NET1: variants seen among roughly 807,000 people sequenced by gnomAD.
NET1 encodes neuroepithelial cell-transforming gene 1 protein.
Under a neutral mutation model 61.1 loss-of-function variants are expected in NET1, and 42 were observed. The observed-to-expected ratio is 0.69, with a 90% CI of 0.54 to 0.89. The LOEUF (loss-of-function observed/expected upper bound fraction) is 0.89. Ranked by LOEUF, NET1 falls within the 40% of genes least tolerant of loss-of-function variation. The pLI is 0.00. For missense variants in NET1, 654 were observed against 747.3 expected (o/e 0.88, Z 1.46); for synonymous variants, 254 against 281.8 (o/e 0.90, Z 0.99).
rs1223420732 is a variant in NET1 at position 5,417,014 on chromosome 10, T to C, written c.128+4194T>C. Among the ~76,000 whole-genome samples the C allele has an allele frequency of 6.6e-6, 1 of 152,188 alleles. No homozygotes were observed. The highest frequency in any genetic ancestry group is 2.4e-5 in the African/African-American group (1 of 41,442). On this transcript the variant is annotated intron_variant, in intron 1 of 11. Coordinates refer to ENST00000355029, the MANE Select transcript of NET1 (RefSeq NM_001047160.3). The surrounding 1 kb of genome is among the most constrained non-coding windows in gnomAD (Gnocchi z 5.5). Reference sequence around the variant, plus strand: ...GATGACACGTTGGCTTGGATAATGATTGCAAGCTTTTATAGAGTGGAAGTA... The same window carrying C: ...GATGACACGTTGGCTTGGATAATGACTGCAAGCTTTTATAGAGTGGAAGTA...
In NET1 at chr10:5,446,390, A is replaced by G. The variant is rs1832608220; in HGVS notation, c.256-5440A>G. Among the ~76,000 whole-genome samples the G allele has an allele frequency of 6.6e-6, 1 of 152,184 alleles. No individual in the cohort carries two copies. Among genetic ancestry groups the G allele is most frequent in the Non-Finnish European group, 1.5e-5 (1 of 68,022 alleles). ...AAGCACCAGAGTAGATAACGTAACA[A>G]TTTGTTTTACTTCGGGAATGCATTT... On this transcript the variant is annotated intron_variant, in intron 3 of 11. Transcript: ENST00000355029. The surrounding 1 kb of genome is among the most constrained non-coding windows in gnomAD (Gnocchi z 5.0).
intron 3 of NET1, among the ~76,000 whole-genome samples, chr10:5,430,172 A>G (rs1417826677): frequency 1.3e-5 from 2 of 152,194 alleles, no homozygotes; most frequent in Admixed American, 6.5e-5. Context: ...AAAGTATGAA[A>G]TGACAACCTT....
chr10:5,429,084 G>C, intron 2 of NET1, 86 bp from the exon 3 acceptor site: 1 of 997,742 alleles, frequency 1.0e-6, no homozygotes, highest in Non-Finnish European at 1.5e-6. Flanking sequence ...TTTTTAAATT[G>C]ATTTTTCTAG....
At position 5,446,629 on chromosome 10, in the gene NET1, G is replaced by A. The variant is rs1832614858; in HGVS notation, c.256-5201G>A. On this transcript the variant is annotated intron_variant, in intron 3 of 11. Transcript: ENST00000355029. The surrounding 1 kb of genome is among the most constrained non-coding windows in gnomAD (Gnocchi z 5.0). The stretch of plus-strand genomic sequence containing the variant: ...CTCTCAGAAGCCTCTGCTCCACCGC[G>A]GCGAGAGGCATGGGCACGTGGCTGC... The A allele has an allele frequency of 7.9e-7, 1 of 1,272,192 alleles. No homozygotes were observed. The highest frequency in any genetic ancestry group is 9.9e-7 in the Non-Finnish European group (1 of 1,005,410). 78.8% of individuals were successfully genotyped at this position (1,272,192 alleles called of 1,614,324 possible). A position where few individuals can be genotyped will look rare whatever the true frequency, so the allele number is the denominator to read the frequency against.
Position 5,452,260 on chromosome 10 carries a change from G to A in NET1, c.364-98G>A. The A allele has an allele frequency of 1.8e-6, 2 of 1,112,442 alleles. No individual in the cohort carries two copies. Among genetic ancestry groups the A allele is most frequent in the Non-Finnish European group, 2.4e-6 (2 of 826,258 alleles). 68.9% of individuals were successfully genotyped at this position (1,112,442 alleles called of 1,614,324 possible). A position where few individuals can be genotyped will look rare whatever the true frequency, so the allele number is the denominator to read the frequency against. On this transcript the variant is annotated intron_variant, in intron 4 of 11. Coordinates refer to ENST00000355029, the MANE Select transcript of NET1 (RefSeq NM_001047160.3). The surrounding 1 kb of genome is among the most constrained non-coding windows in gnomAD (Gnocchi z 4.0). ...TGTTTTCTGCATTGAGAAATTCTCA[G>A]AACTTTGTCTTTCTTCACTTTAAAA... is the stretch of plus-strand genomic sequence containing the variant.
At chr10:5,450,644 C>T (rs1376578758) in intron 3 of NET1, among the ~76,000 whole-genome samples, 2 of 151,992 alleles carry the variant, frequency 1.3e-5, no homozygotes, top group Non-Finnish European at 2.9e-5. Flanking sequence ...TATATATCCT[C>T]CTGGATTCTC....
intron 3 of NET1, among the ~76,000 whole-genome samples, chr10:5,436,214 G>A (rs1184058653): frequency 0.038 from 1,537 of 40,642 alleles, 76 homozygotes; most frequent in Non-Finnish European, 0.049. Context: ...GTGTGTGTGT[G>A]TGTGTGTGTG....
In NET1 at chr10:5,451,431, C is replaced by T. The variant is rs772550817; in HGVS notation, c.256-399C>T. 6.6e-6 allele frequency among the ~76,000 whole-genome samples: 1 copy of T among 151,556 alleles called. No individual in the cohort carries two copies. Among genetic ancestry groups the T allele is most frequent in the Non-Finnish European group, 1.5e-5 (1 of 67,988 alleles). ...TATACCAGACACTGTGGAGGCCCCT[C>T]GATAGACACATGGGATCCATTATGC... On this transcript the variant is annotated intron_variant, in intron 3 of 11. Transcript: ENST00000355029. The surrounding 1 kb of genome is among the most constrained non-coding windows in gnomAD (Gnocchi z 6.1).
In NET1 at chr10:5,421,372, T is replaced by G. The variant is rs1167252623; in HGVS notation, c.129-5283T>G. Among the ~76,000 whole-genome samples the G allele has an allele frequency of 6.6e-6, 1 of 152,240 alleles. No individual in the cohort carries two copies. The highest frequency in any genetic ancestry group is 1.5e-5 in the Non-Finnish European group (1 of 68,038). ...TTTATATTTTCCTTTTTTGCAGATTTGAAATAATGCTGTCCATTGGTAGAA... is the reference window on the plus strand; with the variant it reads ...TTTATATTTTCCTTTTTTGCAGATTGGAAATAATGCTGTCCATTGGTAGAA... On this transcript the variant is annotated intron_variant, in intron 1 of 11. Coordinates refer to ENST00000355029, the MANE Select transcript of NET1 (RefSeq NM_001047160.3). The surrounding 1 kb of genome is among the most constrained non-coding windows in gnomAD (Gnocchi z 4.2).
chr10:5,456,749 C>A lies in NET1; in HGVS notation c.1546C>A (p.Pro516Thr). Reference protein sequence around the residue: ...AGSPPELQGLPELHEECEGNH... With the variant: ...AGSPPELQGLTELHEECEGNH... ...CAGTCCACCTGAGCTGCAGGGCCTG[C>A]CGGAGCTGCACGAAGAGTGTGAGGG... is the stretch of plus-strand genomic sequence containing the variant. Residue 516 changes from proline (P) to threonine (T), a missense_variant, in exon 12 of 12, where the codon CCG (proline) becomes ACG (threonine). Pro to Thr is a conservative substitution (Grantham distance 38, BLOSUM62 -1). Transcript: ENST00000355029. This position sits in a 1 kb window ranked among gnomAD's most constrained non-coding sequence, Gnocchi z 7.0. 1 of 1,613,952 alleles carries A rather than the reference C, an allele frequency of 6.2e-7. No homozygotes were observed. Among genetic ancestry groups the A allele is most frequent in the Non-Finnish European group, 8.5e-7 (1 of 1,179,928 alleles).
At chr10:5,433,033 T>G (rs982175167) in intron 3 of NET1, among the ~76,000 whole-genome samples, 2 of 152,208 alleles carry the variant, frequency 1.3e-5, no homozygotes, top group African/African-American at 4.8e-5. Context: ...TACTATTGCT[T>G]GACTTGTAGT....
At position 5,435,538 on chromosome 10, in the gene NET1, C is replaced by T. The variant is rs9423416; in HGVS notation, c.255+6309C>T. Among the ~76,000 whole-genome samples the T allele has an allele frequency of 0.31, 3,347 of 10,706 alleles. 130 individuals carry two copies. The highest frequency in any genetic ancestry group is 0.38 in the African/African-American group (2,799 of 7,386). 7.0% of individuals were successfully genotyped at this position (10,706 alleles called of 152,430 possible). A position where few individuals can be genotyped will look rare whatever the true frequency, so the allele number is the denominator to read the frequency against. On this transcript the variant is annotated intron_variant, in intron 3 of 11. Coordinates refer to ENST00000355029, the MANE Select transcript of NET1 (RefSeq NM_001047160.3). This position sits in a 1 kb window ranked among gnomAD's most constrained non-coding sequence, Gnocchi z 5.0. ...ATAGATAGATAGATAGATAGACAGA[C>T]AGACAGATAGATAGATAGATAGATA... is the stretch of plus-strand genomic sequence containing the variant.
rs1019686922 is a variant in NET1 at position 5,428,065 on chromosome 10, T to C, written c.196-1105T>C. ...TTTTTTTTTTTTTTTTTTTTTTTTT[T>C]TTCTTCTCTATTGGCCCTATCTTGT... On this transcript the variant is annotated intron_variant, in intron 2 of 11. Coordinates refer to ENST00000355029, the MANE Select transcript of NET1 (RefSeq NM_001047160.3). Among the ~76,000 whole-genome samples the C allele has an allele frequency of 2.7e-3, 197 of 73,630 alleles. 1 individual carries two copies. The highest frequency in any genetic ancestry group is 0.013 in the South Asian group (25 of 1,970). The allele number at this position is 73,630 out of a possible 152,430, so 48.3% of individuals were successfully genotyped here. A position where few individuals can be genotyped will look rare whatever the true frequency, so the allele number is the denominator to read the frequency against.
rs1398804620 is a variant in NET1, at chr10:5,444,473, A to G, written c.256-7357A>G. The stretch of plus-strand genomic sequence containing the variant: ...GCCCCTGTAATTTGCCTCTGTCTTT[A>G]CTCCACTGAAATAGCACACTTGAGA... On this transcript the variant is annotated intron_variant, in intron 3 of 11. Transcript: ENST00000355029. The surrounding 1 kb of genome is among the most constrained non-coding windows in gnomAD (Gnocchi z 5.3). 6.6e-6 allele frequency among the ~76,000 whole-genome samples: 1 copy of G among 152,158 alleles called. No individual in the cohort carries two copies. The highest frequency in any genetic ancestry group is 1.5e-5 in the Non-Finnish European group (1 of 68,026).
chr10:5,456,428 G>A lies in NET1; in HGVS notation c.1384+155G>A, dbSNP rs560308836. Reference sequence around the variant, plus strand: ...CCAGGCCTTCCCAGCTCGAACACCCGCAGGTGTATCTAAGAAATAATGCAT... The same window carrying A: ...CCAGGCCTTCCCAGCTCGAACACCCACAGGTGTATCTAAGAAATAATGCAT... On this transcript the variant is annotated intron_variant, in intron 11 of 11. Coordinates refer to ENST00000355029, the MANE Select transcript of NET1 (RefSeq NM_001047160.3). This position sits in a 1 kb window ranked among gnomAD's most constrained non-coding sequence, Gnocchi z 7.0. 1.6e-5 allele frequency: 16 copies of A among 1,002,932 alleles called. No homozygotes were observed. The highest frequency in any genetic ancestry group is 5.3e-5 in the South Asian group (3 of 56,392). The allele number at this position is 1,002,932 out of a possible 1,614,324, so 62.1% of individuals were successfully genotyped here.
chr10:5,420,706 C>A lies in NET1; in HGVS notation c.129-5949C>A, dbSNP rs1832159446. ...CGACTCCCTGGTTCAAGTGATCCTC[C>A]TTCCTCAGCCTCCCGAGTAACTGGG... On this transcript the variant is annotated intron_variant, in intron 1 of 11. Coordinates refer to ENST00000355029, the MANE Select transcript of NET1 (RefSeq NM_001047160.3). This position sits in a 1 kb window ranked among gnomAD's most constrained non-coding sequence, Gnocchi z 5.3. Among the ~76,000 whole-genome samples, 1 of 152,186 alleles carries A rather than the reference C, an allele frequency of 6.6e-6. No individual in the cohort carries two copies. The highest frequency in any genetic ancestry group is 1.5e-5 in the Non-Finnish European group (1 of 68,024).
chr10:5,450,967 ACT>A (rs1832693422), intron 3 of NET1, among the ~76,000 whole-genome samples: 1 of 152,240 alleles, frequency 6.6e-6, no homozygotes, highest in Admixed American at 6.5e-5. Flanking sequence ...TTAATAAATT[ACT>A]GTTTGAGAGA....
At position 5,455,138 on chromosome 10, in the gene NET1, G is replaced by A. The variant is rs762970253; in HGVS notation, c.1197+20G>A. ...GGACATGTAGGTGACTTTTGCTGCC[G>A]TGGCAGAGCAGCCTTCCCTCCTGCC... On this transcript the variant is annotated intron_variant, in intron 10 of 11. Transcript: ENST00000355029. This position sits in a 1 kb window ranked among gnomAD's most constrained non-coding sequence, Gnocchi z 6.5. 46 of 1,610,502 alleles carry A rather than the reference G, an allele frequency of 2.9e-5. No homozygotes were observed. The highest frequency in any genetic ancestry group is 2.0e-4 in the Middle Eastern group (1 of 4,884).
At chr10:5,428,269 T>G (rs1444046693) in intron 2 of NET1, among the ~76,000 whole-genome samples, 1 of 152,080 alleles carries the variant, frequency 6.6e-6, no homozygotes, top group African/African-American at 2.4e-5. Flanking sequence ...CACTATTAAT[T>G]AAGTACCAGA....
Sources: gnomAD v4.1 joint callset for allele counts (sites outside exome capture counted in the v4.1 genomes callset) on GRCh38, gnomAD v4.1.1 for gene constraint, Gnocchi (gnomAD v3.1) non-coding constraint, MANE v1.5 for transcripts, NCBI Gene and HGNC (gene_info 2026-07-23, HGNC 2026-07-21) for gene names.